The following FRAS1 variants were observed in gnomAD, a reference collection of about 807,000 sequenced individuals.
The protein encoded by FRAS1 is Fraser extracellular matrix complex subunit 1, also known as extracellular matrix organizing protein FRAS1.
In FRAS1, 290 loss-of-function variants were observed where a neutral mutation model predicts 435.2. The observed-to-expected ratio is 0.67, with a 90% CI of 0.61 to 0.73. The LOEUF (loss-of-function observed/expected upper bound fraction) is 0.73, where lower values mean the gene tolerates loss of function less well. FRAS1 is among the 30% of genes least tolerant of loss of function. FRAS1 has a pLI of 0.00. For missense variants in FRAS1, 4,860 were observed against 5,001.5 expected (o/e 0.97, Z 0.85); for synonymous variants, 1,800 against 1,851.0 (o/e 0.97, Z 0.71).
At chr4:78,294,556 C>T (rs540585116) in intron 14 of FRAS1, among the ~76,000 whole-genome samples, 3 of 152,352 alleles carry the variant, frequency 2.0e-5, no homozygotes, top group African/African-American at 7.2e-5. Flanking sequence ...GAATGTCTTG[C>T]TTTGTCCTCT....
At chr4:78,491,991 C>A (rs1156341678) in intron 59 of FRAS1, among the ~76,000 whole-genome samples, 1 of 152,184 alleles carries the variant, frequency 6.6e-6, no homozygotes, top group Non-Finnish European at 1.5e-5. Context: ...AAATCACAAG[C>A]ATTCCTATAC....
At chr4:78,270,918 T>C (rs1476318138) in intron 9 of FRAS1, among the ~76,000 whole-genome samples, 1 of 152,188 alleles carries the variant, frequency 6.6e-6, no homozygotes, top group Non-Finnish European at 1.5e-5. Flanking sequence ...CAGTAATCTA[T>C]ATAACTCCAA....
At chr4:78,457,690 A>C (rs1719247556) in intron 47 of FRAS1, among the ~76,000 whole-genome samples, 1 of 152,230 alleles carries the variant, frequency 6.6e-6, no homozygotes, top group South Asian at 2.1e-4. Context: ...TTAAATCCTT[A>C]AACCCTTTGG....
chr4:78,487,344 G>A (rs74754171), intron 58 of FRAS1, among the ~76,000 whole-genome samples: 1,745 of 152,290 alleles, frequency 0.011, 30 homozygotes, highest in African/African-American at 0.04. Flanking sequence ...GAGTCACAGA[G>A]AGCTTTCTGT....
chr4:78,464,438 T>C lies in FRAS1; in HGVS notation c.6889-5T>C. The C allele has an allele frequency of 6.2e-7, 1 of 1,613,944 alleles. No individual in the cohort carries two copies. The highest frequency in any genetic ancestry group is 1.7e-4 in the Middle Eastern group (1 of 6,060). On this transcript the variant is annotated splice_polypyrimidine_tract_variant and splice_region_variant and intron_variant, in intron 48 of 73. Transcript: ENST00000512123. ...TGTCCCACCTGCACTTTCCTGCCATTCTAGGTGACTCAGACTTTCCATATC... is the reference window on the plus strand; with the variant it reads ...TGTCCCACCTGCACTTTCCTGCCATCCTAGGTGACTCAGACTTTCCATATC...
intron 58 of FRAS1, among the ~76,000 whole-genome samples, chr4:78,483,795 TATAA>T (rs560997506): frequency 0.33 from 39,407 of 120,988 alleles, 10,384 homozygotes; most frequent in South Asian, 0.67. Flanking sequence ...TATATATATA[TATAA>T]AATTATGTAT....
At chr4:78,475,104 C>G (rs1224654303) in intron 53 of FRAS1, among the ~76,000 whole-genome samples, 1 of 152,156 alleles carries the variant, frequency 6.6e-6, no homozygotes, top group Non-Finnish European at 1.5e-5. Flanking sequence ...ATTACTCAAC[C>G]CCAGGAGGGA....
At chr4:78,094,051 G>A (rs974578980) in intron 2 of FRAS1, among the ~76,000 whole-genome samples, 1 of 148,146 alleles carries the variant, frequency 6.8e-6, no homozygotes, top group Admixed American at 6.8e-5. Flanking sequence ...CGTGCAGTTA[G>A]CAACAGAACA....
intron 2 of FRAS1, among the ~76,000 whole-genome samples, chr4:78,194,675 A>G (rs1025682901): frequency 6.6e-6 from 1 of 151,694 alleles, no homozygotes; most frequent in African/African-American, 2.4e-5. Flanking sequence ...CCATTCATCT[A>G]GTTTTTTTTC....
chr4:78,077,832 T>A (rs1458926212), intron 2 of FRAS1, among the ~76,000 whole-genome samples: 1 of 152,096 alleles, frequency 6.6e-6, no homozygotes, highest in Non-Finnish European at 1.5e-5. Flanking sequence ...AAGAACTTTC[T>A]TTTTTGTTTT....
At chr4:78,399,021 A>G (rs1416225023) in intron 29 of FRAS1, among the ~76,000 whole-genome samples, 1 of 152,190 alleles carries the variant, frequency 6.6e-6, no homozygotes, top group African/African-American at 2.4e-5. Context: ...CATGGTATAC[A>G]AGACTGCTGG....
intron 20 of FRAS1, among the ~76,000 whole-genome samples, chr4:78,358,937 A>T (rs1043069106): frequency 1.3e-5 from 2 of 152,330 alleles, no homozygotes; most frequent in Non-Finnish European, 1.5e-5. Context: ...ATTTAATTTA[A>T]TCTAATCTAT....
chr4:78,273,622 T>A (rs62310021), intron 9 of FRAS1, among the ~76,000 whole-genome samples: 51,068 of 152,004 alleles, frequency 0.34, 8,616 homozygotes, highest in Admixed American at 0.39. Flanking sequence ...ACGTTTATTG[T>A]TTTGCATATG....
chr4:78,086,792 A>G (rs1741203192), intron 2 of FRAS1, among the ~76,000 whole-genome samples: 1 of 152,008 alleles, frequency 6.6e-6, no homozygotes, highest in African/African-American at 2.4e-5. Flanking sequence ...TAGCTTACCA[A>G]CCAAAAAAAG....
intron 2 of FRAS1, among the ~76,000 whole-genome samples, chr4:78,195,304 G>C (rs1722753827): frequency 6.6e-6 from 1 of 152,234 alleles, no homozygotes; most frequent in South Asian, 2.1e-4. Flanking sequence ...AAAGCTGTCA[G>C]CCAGGGACAT....
At chr4:78,126,967 G>T (rs1719395486) in intron 2 of FRAS1, among the ~76,000 whole-genome samples, 1 of 152,142 alleles carries the variant, frequency 6.6e-6, no homozygotes, top group Non-Finnish European at 1.5e-5. Context: ...ATTCATTTGT[G>T]AATTTAGAAA....
chr4:78,465,535 CA>C (rs1186820574), intron 49 of FRAS1, among the ~76,000 whole-genome samples: 1 of 152,184 alleles, frequency 6.6e-6, no homozygotes, highest in Non-Finnish European at 1.5e-5. Flanking sequence ...ACCCTTCAGA[CA>C]GGGGAGCCAG....
chr4:78,262,105 T>C (rs1180842500), intron 6 of FRAS1, among the ~76,000 whole-genome samples: 1 of 152,182 alleles, frequency 6.6e-6, no homozygotes, highest in Admixed American at 6.5e-5. Flanking sequence ...TTAGTGTAGT[T>C]ACATTGACTG....
intron 2 of FRAS1, among the ~76,000 whole-genome samples, chr4:78,224,649 C>T (rs1373087539): frequency 6.6e-6 from 1 of 152,116 alleles, no homozygotes; most frequent in Non-Finnish European, 1.5e-5. Flanking sequence ...CCCCCCACCT[C>T]AGCTTCCCAT....
Sources: allele counts gnomAD v4.1 joint callset (sites outside exome capture counted in the v4.1 genomes callset), GRCh38; gene constraint gnomAD v4.1.1; transcripts MANE v1.5; gene names NCBI Gene and HGNC (gene_info 2026-07-23, HGNC 2026-07-21).